Variants in STAT5B observed in about 807,000 individuals in gnomAD.
The protein encoded by STAT5B is transcription factor STAT5B.
A neutral mutation model predicts 107.8 loss-of-function variants in STAT5B; 21 were observed. The observed-to-expected ratio is 0.19, with a 90% CI of 0.14 to 0.28. The LOEUF is 0.28. Among genes scored for constraint, STAT5B ranks in the 10% least tolerant of loss-of-function variants. The pLI is 1.00. For synonymous variants in STAT5B, 325 were observed against 401.7 expected, an observed-to-expected ratio of 0.81 and a Z score of 2.28; for missense variants, 565 against 1,008.2, an observed-to-expected ratio of 0.56 and a Z score of 5.95.
Position 42,225,360 on chromosome 17 carries a change from G to A in STAT5B, c.286-492C>T, listed in dbSNP as rs147697718. On this transcript the variant is annotated intron_variant, in intron 3 of 18. Coordinates refer to ENST00000293328, the MANE Select transcript of STAT5B (RefSeq NM_012448.4). ...GCATCTTAATTTGCCTAAAGTATCCGGGGAACATTCTTAAAAACGGAATAA... is the reference window on the plus strand; with the variant it reads ...GCATCTTAATTTGCCTAAAGTATCCAGGGAACATTCTTAAAAACGGAATAA... Among the ~76,000 whole-genome samples the A allele has an allele frequency of 2.6e-3, 402 of 152,184 alleles. 1 individual carries two copies. Among genetic ancestry groups the A allele is most frequent in the African/African-American group, 8.8e-3 (364 of 41,528 alleles).
At chr17:42,272,596 A>G (rs996161395) in intron 1 of STAT5B, 2 of 152,188 alleles carry the variant, frequency 1.3e-5, no homozygotes, top group African/African-American at 2.4e-5. Context: ...GGCTTCACTC[A>G]GTAAAGCTGT....
intron 2 of STAT5B, among the ~76,000 whole-genome samples, chr17:42,228,804 T>C (rs2080295033): frequency 6.6e-6 from 1 of 152,084 alleles, no homozygotes; most frequent in Admixed American, 6.5e-5. Flanking sequence ...CGTGGCGGCA[T>C]GTGCCTGTAG....
intron 1 of STAT5B, among the ~76,000 whole-genome samples, chr17:42,242,987 C>T (rs1036597150): frequency 1.5e-5 from 2 of 131,220 alleles, no homozygotes; most frequent in Admixed American, 1.4e-4. Context: ...ACAAACACTG[C>T]GGAAGGCCAC....
chr17:42,210,565 A>C, intron 13 of STAT5B, 68 bp from the exon 14 acceptor site: 1 of 1,366,134 alleles, frequency 7.3e-7, no homozygotes, highest in Non-Finnish European at 1.0e-6. Context: ...ACACATATTT[A>C]ATTGGAAAAA....
intron 1 of STAT5B, chr17:42,271,352 A>G (rs1243795505): frequency 6.6e-6 from 1 of 152,250 alleles, no homozygotes; most frequent in Non-Finnish European, 1.5e-5. Context: ...TAATCCCAAC[A>G]AATAACAATA....
rs563111908 is a variant in STAT5B, at chr17:42,219,772, C to T, written c.621G>A (p.Lys207=). 1 of 1,613,122 alleles carries T rather than the reference C, an allele frequency of 6.2e-7. No homozygotes were observed. The highest frequency in any genetic ancestry group is 1.3e-5 in the African/African-American group (1 of 74,934). The change falls in exon 6 of 19, where the codon AAG becomes AAA. Residue 207 remains lysine, a synonymous_variant. Transcript: ENST00000293328. ...RLSRETALQQ[K]QVSLEAWLQR... is the part of the protein sequence containing the mutation. ...GCAACCAGGCCTCCAGAGACACCTGCTTCTGCTGGAGGGCCGTCTCCCGGC... is the reference window on the plus strand; with the variant it reads ...GCAACCAGGCCTCCAGAGACACCTGTTTCTGCTGGAGGGCCGTCTCCCGGC...
upstream of STAT5B, among the ~76,000 whole-genome samples, chr17:42,281,121 G>C (rs915640142): frequency 1.3e-4 from 20 of 149,512 alleles, no homozygotes; most frequent in Non-Finnish European, 2.2e-4. Context: ...GCGACAGAGC[G>C]AGATTCCGTC....
rs2080037325 is a variant in STAT5B at position 42,200,759 on chromosome 17, T to C, written c.*979A>G. 1 of 261,076 alleles carries C rather than the reference T, an allele frequency of 3.8e-6. No homozygotes were observed. The highest frequency in any genetic ancestry group is 7.2e-6 in the Non-Finnish European group (1 of 139,516). 16.2% of individuals were successfully genotyped at this position (261,076 alleles called of 1,614,324 possible). Reference sequence around the variant, plus strand: ...TCCAACTTAGAAACAGAACCATGATTCAACATTTGCAAAAAGCATCATCAA... The same window carrying C: ...TCCAACTTAGAAACAGAACCATGATCCAACATTTGCAAAAAGCATCATCAA... On this transcript the variant is annotated 3_prime_UTR_variant, in exon 19 of 19. Transcript: ENST00000293328.
In STAT5B at chr17:42,219,848, G is replaced by A. The variant is rs775086694; in HGVS notation, c.551-6C>T. ...GGCCAGCGGGCCAAACTGAGCTAGA[G>A]GAGGGGAGAGGAAACCATGACCATC... On this transcript the variant is annotated splice_region_variant and splice_polypyrimidine_tract_variant and intron_variant, in intron 5 of 18. Coordinates refer to ENST00000293328, the MANE Select transcript of STAT5B (RefSeq NM_012448.4). The A allele has an allele frequency of 1.2e-6, 2 of 1,614,190 alleles. No individual in the cohort carries two copies. Among genetic ancestry groups the A allele is most frequent in the Non-Finnish European group, 1.7e-6 (2 of 1,180,016 alleles).
intron 2 of STAT5B, among the ~76,000 whole-genome samples, chr17:42,229,953 T>TCA (rs2080304853): frequency 2.0e-5 from 3 of 152,188 alleles, no homozygotes; most frequent in Admixed American, 1.3e-4. Flanking sequence ...TTCCTTAATA[T>TCA]CAACACAAGT....
chr17:42,281,085 G>T (rs1251870983), upstream of STAT5B, among the ~76,000 whole-genome samples: 5 of 151,150 alleles, frequency 3.3e-5, no homozygotes, highest in African/African-American at 1.2e-4. Flanking sequence ...AGTGAGCAGA[G>T]ATCGCGCCAC....
intron 1 of STAT5B, among the ~76,000 whole-genome samples, chr17:42,263,204 T>G (rs1417332373): frequency 6.7e-6 from 1 of 150,068 alleles, no homozygotes; most frequent in Non-Finnish European, 1.5e-5. Context: ...CTCCATAAGC[T>G]TCTGTGTAAA....
chr17:42,211,954 C>G (rs1414053161), intron 13 of STAT5B, 30 bp downstream of exon 13: 2 of 1,586,210 alleles, frequency 1.3e-6, no homozygotes, highest in South Asian at 1.1e-5. Flanking sequence ...AAGGACTGAT[C>G]TAACAGCGGC....
At chr17:42,232,466 C>A (rs1230531460) in intron 1 of STAT5B, among the ~76,000 whole-genome samples, 1 of 152,068 alleles carries the variant, frequency 6.6e-6, no homozygotes, top group Non-Finnish European at 1.5e-5. Context: ...CCAGGCTGGT[C>A]TCGAACTCCT....
At chr17:42,287,960 T>C in the STAT5B span, 10 of 152,258 alleles carry the variant, frequency 6.6e-5, no homozygotes, top group African/African-American at 2.4e-4. Flanking sequence ...CTCTACAGTT[T>C]TGTCTCTGAG....
At chr17:42,283,251 A>G in the STAT5B span, among the ~76,000 whole-genome samples, 2 of 151,666 alleles carry the variant, frequency 1.3e-5, no homozygotes, top group Non-Finnish European at 2.9e-5. Context: ...GGCTTGACCC[A>G]GGGCTGCCCA....
intron 15 of STAT5B, among the ~76,000 whole-genome samples, chr17:42,207,958 G>A (rs775144219): frequency 4.6e-5 from 7 of 152,132 alleles, no homozygotes; most frequent in Admixed American, 2.6e-4. Flanking sequence ...GCAGTGGTGC[G>A]ATCTTGGCTC....
At chr17:42,250,438 C>A (rs1431477365) in intron 1 of STAT5B, among the ~76,000 whole-genome samples, 1 of 152,182 alleles carries the variant, frequency 6.6e-6, no homozygotes, top group Non-Finnish European at 1.5e-5. Flanking sequence ...TAAATGACTT[C>A]ATTTCCAAGC....
At chr17:42,246,195 C>T (rs2080450445) in intron 1 of STAT5B, among the ~76,000 whole-genome samples, 1 of 151,928 alleles carries the variant, frequency 6.6e-6, no homozygotes, top group African/African-American at 2.4e-5. Context: ...CTGACTATCC[C>T]ACAGGAACCA....
Sources: allele counts gnomAD v4.1 joint callset (sites outside exome capture counted in the v4.1 genomes callset), GRCh38; gene constraint gnomAD v4.1.1; transcripts MANE v1.5; gene names NCBI Gene and HGNC (gene_info 2026-07-23, HGNC 2026-07-21).